ARHGAP28: variants seen among roughly 807,000 people sequenced by gnomAD.
ARHGAP28 encodes Rho GTPase activating protein 28.
In ARHGAP28, 56 loss-of-function variants were observed where a neutral mutation model predicts 90.7. The ratio of observed to expected loss-of-function variants is 0.62; its 90% confidence interval spans 0.50 to 0.77. The LOEUF (loss-of-function observed/expected upper bound fraction) is 0.77. Among genes scored for constraint, ARHGAP28 ranks in the 30% least tolerant of loss-of-function variants. The pLI is 0.00. For synonymous variants in ARHGAP28, 308 were observed against 323.3 expected (o/e 0.95, Z 0.51); for missense variants, 869 against 900.9 (o/e 0.96, Z 0.45).
intron 1 of ARHGAP28, among the ~76,000 whole-genome samples, chr18:6,815,993 C>G (rs575667530): frequency 2.6e-5 from 4 of 151,970 alleles, no homozygotes; most frequent in Non-Finnish European, 5.9e-5. Flanking sequence ...CCTTCCCAAT[C>G]TACAAACACA....
chr18:6,834,440 G>T (rs943141184), intron 2 of ARHGAP28: 6 of 152,174 alleles, frequency 3.9e-5, no homozygotes, highest in African/African-American at 1.4e-4. Flanking sequence ...CAAAGACCTT[G>T]TGACAAAATA....
chr18:6,747,688 T>C (rs1353255297), intron 1 of ARHGAP28, among the ~76,000 whole-genome samples: 1 of 152,134 alleles, frequency 6.6e-6, no homozygotes, highest in Admixed American at 6.5e-5. Flanking sequence ...ACAGAAAAAA[T>C]ACCCAAATAA....
chr18:6,803,136 T>C (rs2056494355), intron 1 of ARHGAP28, among the ~76,000 whole-genome samples: 1 of 152,162 alleles, frequency 6.6e-6, no homozygotes, highest in Non-Finnish European at 1.5e-5. Context: ...TGAATAGAAG[T>C]GGTGAGAGCA....
chr18:6,841,137 TC>T (rs2056806226), intron 3 of ARHGAP28, among the ~76,000 whole-genome samples: 1 of 146,370 alleles, frequency 6.8e-6, no homozygotes, highest in Admixed American at 6.9e-5. Context: ...CTCTCTCCTC[TC>T]TCACTGTCTC....
intron 1 of ARHGAP28, among the ~76,000 whole-genome samples, chr18:6,733,342 A>T (rs1218242692): frequency 6.6e-6 from 1 of 152,152 alleles, no homozygotes; most frequent in African/African-American, 2.4e-5. Context: ...TGCATGGGGC[A>T]GTCTGCTGTG....
intron 1 of ARHGAP28, among the ~76,000 whole-genome samples, chr18:6,751,079 A>G (rs947985504): frequency 2.0e-4 from 30 of 152,094 alleles, no homozygotes; most frequent in Non-Finnish European, 1.5e-4. Context: ...TATCTTTCTG[A>G]TCTCAGTACC....
In ARHGAP28 at chr18:6,751,938, G is replaced by A. The variant is rs373381066; in HGVS notation, c.122+21995G>A. Among the ~76,000 whole-genome samples, 7 of 151,862 alleles carry A rather than the reference G, an allele frequency of 4.6e-5. No homozygotes were observed. In the East Asian group the frequency reaches 9.6e-4, roughly 21 times the overall value. ...TATAAGAAATAGCAAAGTACCTTCCGTTTTTGAAGCCTTGCTTACAAAACT... is the reference window on the plus strand; with the variant it reads ...TATAAGAAATAGCAAAGTACCTTCCATTTTTGAAGCCTTGCTTACAAAACT... On this transcript the variant is annotated intron_variant, in intron 1 of 17. Transcript: ENST00000383472.
chr18:6,881,667 G>T (rs1245312622), intron 10 of ARHGAP28, among the ~76,000 whole-genome samples: 3 of 152,228 alleles, frequency 2.0e-5, no homozygotes, highest in African/African-American at 4.8e-5. Flanking sequence ...AGCGAGGTCA[G>T]AGTTACTTTA....
At chr18:6,882,356 G>C in intron 11 of ARHGAP28, 57 bp downstream of exon 11, 2 of 1,504,384 alleles carry the variant, frequency 1.3e-6, no homozygotes, top group Non-Finnish European at 1.8e-6. Context: ...TAAAGTGAGA[G>C]CAGAAGAGAG....
chr18:6,839,416 C>CT (rs1189889792), intron 3 of ARHGAP28, among the ~76,000 whole-genome samples: 2 of 151,938 alleles, frequency 1.3e-5, no homozygotes, highest in Non-Finnish European at 2.9e-5. Flanking sequence ...CCCTCAGCCT[C>CT]CCGAGTAACT....
At position 6,838,059 on chromosome 18, in the gene ARHGAP28, CTT is replaced by C. The variant is rs1473939494; in HGVS notation, c.543+646_543+647del. On this transcript the variant is annotated intron_variant, in intron 3 of 17. Coordinates refer to ENST00000383472, the MANE Select transcript of ARHGAP28 (RefSeq NM_001366230.1). ...ACATTTGTTTTACTGCTAGCTCTGT[CTT>C]ATAGCTTACTTGTTCATTTATTCAT... Among the ~76,000 whole-genome samples the C allele has an allele frequency of 3.9e-5, 6 of 152,286 alleles. No individual in the cohort carries two copies. The East Asian group carries it at 1.2e-3, about 29-fold the overall frequency.
At chr18:6,752,971 T>C (rs1383637022) in intron 1 of ARHGAP28, among the ~76,000 whole-genome samples, 1 of 151,928 alleles carries the variant, frequency 6.6e-6, no homozygotes, top group African/African-American at 2.4e-5. Context: ...CTGTTGTTGC[T>C]ATAAATACTA....
At chr18:6,739,645 T>C (rs1600141380) in intron 1 of ARHGAP28, among the ~76,000 whole-genome samples, 1 of 144,976 alleles carries the variant, frequency 6.9e-6, no homozygotes, top group Non-Finnish European at 1.5e-5. Flanking sequence ...TGACTAAGCT[T>C]TCTCTCTCTC....
chr18:6,876,320 G>T (rs902447284), intron 10 of ARHGAP28, 112 bp downstream of exon 10: 21 of 756,848 alleles, frequency 2.8e-5, no homozygotes, highest in Admixed American at 1.7e-4. Context: ...TTATCACTTG[G>T]TCCTTCCTAG....
chr18:6,767,279 TTTTA>T (rs1277846619), intron 1 of ARHGAP28, among the ~76,000 whole-genome samples: 60 of 152,322 alleles, frequency 3.9e-4, no homozygotes, highest in African/African-American at 1.4e-3. Context: ...CTATCATATA[TTTTA>T]TTTATTACAT....
At chr18:6,872,178 C>T (rs2057095229) in intron 7 of ARHGAP28, among the ~76,000 whole-genome samples, 3 of 152,318 alleles carry the variant, frequency 2.0e-5, no homozygotes, top group African/African-American at 2.4e-5. Context: ...TGCATCTCCT[C>T]ATCGAAGCCA....
chr18:6,737,788 CTA>C (rs1474693480), intron 1 of ARHGAP28, among the ~76,000 whole-genome samples: 1 of 152,010 alleles, frequency 6.6e-6, no homozygotes, highest in Non-Finnish European at 1.5e-5. Flanking sequence ...GCATTAGTCT[CTA>C]AAGTGGGAAA....
chr18:6,860,429 C>G (rs751287482), intron 5 of ARHGAP28, among the ~76,000 whole-genome samples: 3 of 152,178 alleles, frequency 2.0e-5, no homozygotes, highest in South Asian at 2.1e-4. Flanking sequence ...GTCATTCCCC[C>G]TCCCGTCACC....
chr18:6,732,902 G>C (rs1199089748), intron 1 of ARHGAP28, among the ~76,000 whole-genome samples: 1 of 152,074 alleles, frequency 6.6e-6, no homozygotes, highest in Non-Finnish European at 1.5e-5. Context: ...CTGTAAAGAG[G>C]AGAGTCAAAC....
Sources: allele counts gnomAD v4.1 joint callset (sites outside exome capture counted in the v4.1 genomes callset), GRCh38; gene constraint gnomAD v4.1.1; transcripts MANE v1.5; gene names NCBI Gene and HGNC (gene_info 2026-07-23, HGNC 2026-07-21).